Variants in CALN1 observed in about 807,000 individuals in gnomAD.
The protein encoded by CALN1 is calneuron 1.
In CALN1, 17 loss-of-function variants were observed where a neutral mutation model predicts 30.6. The ratio of observed to expected loss-of-function variants is 0.56; its 90% CI spans 0.38 to 0.83. The LOEUF is 0.83. Ranked by LOEUF, CALN1 falls within the 40% of genes least tolerant of loss-of-function variation. The pLI is 0.00. For missense variants in CALN1, 291 were observed against 354.9 expected, an observed-to-expected ratio of 0.82 and a Z score of 1.45; for synonymous variants, 156 against 131.4, an observed-to-expected ratio of 1.19 and a Z score of -1.28.
chr7:72,343,093 T>C (rs983225720), intron 2 of CALN1, among the ~76,000 whole-genome samples: 1 of 152,156 alleles, frequency 6.6e-6, no homozygotes, highest in Non-Finnish European at 1.5e-5. Context: ...GGCTTTGGGA[T>C]TGAGCAATGG....
chr7:72,411,301 G>C (rs1048132858), intron 1 of CALN1, among the ~76,000 whole-genome samples: 3 of 152,036 alleles, frequency 2.0e-5, no homozygotes, highest in Non-Finnish European at 2.9e-5. Flanking sequence ...ATAATATTTT[G>C]ACTGAGCTTT....
rs118186094 is a variant in CALN1, at chr7:72,171,376, G to A, written c.245-65082C>T. On this transcript the variant is annotated intron_variant, in intron 3 of 6. Coordinates refer to ENST00000395275, the MANE Select transcript of CALN1 (RefSeq NM_031468.4). ...GTGGTGGTACACACCTATAAATCCA[G>A]TGTCTTGACAGGCTCAGAGAGGAGG... is the stretch of plus-strand genomic sequence containing the variant. Among the ~76,000 whole-genome samples, 353 of 152,134 alleles carry A rather than the reference G, an allele frequency of 2.3e-3. 12 individuals carry two copies. The East Asian group carries it at 0.063, about 27-fold the overall frequency.
intron 2 of CALN1, among the ~76,000 whole-genome samples, chr7:72,362,816 T>G (rs1440406698): frequency 6.6e-6 from 1 of 152,156 alleles, no homozygotes; most frequent in Non-Finnish European, 1.5e-5. Context: ...CATCACCTCC[T>G]CGGGCCAGCA....
chr7:72,346,295 AT>A (rs1802636613), intron 2 of CALN1, among the ~76,000 whole-genome samples: 1 of 152,188 alleles, frequency 6.6e-6, no homozygotes, highest in Non-Finnish European at 1.5e-5. Context: ...TTTCCCAAAG[AT>A]AACCACTTTC....
chr7:71,922,450 T>C (rs1460164472), intron 5 of CALN1, among the ~76,000 whole-genome samples: 3 of 146,740 alleles, frequency 2.0e-5, no homozygotes, highest in Admixed American at 1.4e-4. Context: ...TAATTATATT[T>C]ATTTATATTT....
At chr7:72,048,286 G>T (rs889305745) in intron 4 of CALN1, among the ~76,000 whole-genome samples, 1 of 151,968 alleles carries the variant, frequency 6.6e-6, no homozygotes, top group Admixed American at 6.6e-5. Flanking sequence ...TGATCCACCC[G>T]CCTCGGCCTC....
chr7:72,407,119 T>C (rs934136051), intron 1 of CALN1, among the ~76,000 whole-genome samples: 1 of 152,188 alleles, frequency 6.6e-6, no homozygotes, highest in Admixed American at 6.5e-5. Context: ...ATGCAGAGAA[T>C]GGTGAAGTAA....
chr7:71,922,752 T>C (rs1420016911), intron 5 of CALN1, among the ~76,000 whole-genome samples: 2 of 123,788 alleles, frequency 1.6e-5, no homozygotes, highest in Non-Finnish European at 3.5e-5. Flanking sequence ...TATATAAATA[T>C]ATAACATACC....
intron 3 of CALN1, among the ~76,000 whole-genome samples, chr7:72,275,594 T>G (rs1345603523): frequency 6.6e-6 from 1 of 152,162 alleles, no homozygotes; most frequent in Non-Finnish European, 1.5e-5. Flanking sequence ...GCTGAGAGCC[T>G]GGATTACCCT....
In CALN1 at chr7:71,939,154, G is replaced by T. The variant is rs192350928; in HGVS notation, c.501+84503C>A. 6.4e-4 allele frequency among the ~76,000 whole-genome samples: 98 copies of T among 152,244 alleles called. No individual in the cohort carries two copies. The East Asian group carries it at 7.7e-3, about 12-fold the overall frequency. ...ACAATGATAGGCAAGGGAAAATCAG[G>T]TCAGGAATTAGGAATACTAGGTCAT... On this transcript the variant is annotated intron_variant, in intron 5 of 6. Coordinates refer to ENST00000395275, the MANE Select transcript of CALN1 (RefSeq NM_031468.4).
chr7:72,264,274 CTT>C (rs369771381), intron 3 of CALN1, among the ~76,000 whole-genome samples: 39 of 152,200 alleles, frequency 2.6e-4, no homozygotes, highest in African/African-American at 9.2e-4. Context: ...TTCCTCAGCC[CTT>C]TTCTGTCTAT....
chr7:72,062,519 A>G (rs889500427), intron 4 of CALN1, among the ~76,000 whole-genome samples: 4 of 148,342 alleles, frequency 2.7e-5, no homozygotes, highest in African/African-American at 1.0e-4. Context: ...CTCAAAAAAA[A>G]AAAAAAAAAA....
chr7:72,407,454 C>T (rs999863173), intron 1 of CALN1, among the ~76,000 whole-genome samples: 1 of 152,138 alleles, frequency 6.6e-6, no homozygotes, highest in Non-Finnish European at 1.5e-5. Context: ...TTCCCACTTT[C>T]ATGCTGTTCT....
At chr7:72,097,151 G>T (rs1008003386) in intron 4 of CALN1, among the ~76,000 whole-genome samples, 1 of 152,022 alleles carries the variant, frequency 6.6e-6, no homozygotes, top group Non-Finnish European at 1.5e-5. Context: ...ACACACCGGG[G>T]CCTGTCGTGG....
chr7:72,076,719 C>CCACTCCTCA (rs1804771934), intron 4 of CALN1, among the ~76,000 whole-genome samples: 1 of 146,628 alleles, frequency 6.8e-6, no homozygotes, highest in East Asian at 2.1e-4. Context: ...TAGTGGGCAG[C>CCACTCCTCA]CACTCCTCAG....
intron 5 of CALN1, among the ~76,000 whole-genome samples, chr7:71,986,236 TG>T (rs1368989851): frequency 6.6e-6 from 1 of 151,934 alleles, no homozygotes; most frequent in Non-Finnish European, 1.5e-5. Flanking sequence ...TTAGTAGAGA[TG>T]GGGTTTCACC....
chr7:71,932,016 A>G (rs144525113), intron 5 of CALN1, among the ~76,000 whole-genome samples: 10 of 152,230 alleles, frequency 6.6e-5, no homozygotes, highest in African/African-American at 2.4e-4. Flanking sequence ...GGAACTGGCA[A>G]TTAAGGTGGT....
At chr7:71,796,648 G>A (rs1034227740) in intron 6 of CALN1, among the ~76,000 whole-genome samples, 3 of 152,046 alleles carry the variant, frequency 2.0e-5, no homozygotes, top group South Asian at 2.1e-4. Context: ...GTGAGCCACC[G>A]CGTCCAGCTT....
intron 3 of CALN1, among the ~76,000 whole-genome samples, chr7:72,267,688 T>C (rs1796688193): frequency 6.6e-6 from 1 of 152,194 alleles, no homozygotes; most frequent in Non-Finnish European, 1.5e-5. Flanking sequence ...TTCTGGATTT[T>C]TCACGTTTGC....
Sources: gnomAD v4.1 joint callset for allele counts (sites outside exome capture counted in the v4.1 genomes callset) on GRCh38, gnomAD v4.1.1 for gene constraint, MANE v1.5 for transcripts, NCBI Gene and HGNC (gene_info 2026-07-23, HGNC 2026-07-21) for gene names.